NCAPD3: variants seen among roughly 807,000 people sequenced by gnomAD.
The protein encoded by NCAPD3 is non-SMC condensin II complex subunit D3.
Under a neutral mutation model 182.9 loss-of-function variants are expected in NCAPD3, and 105 were observed. The ratio of observed to expected loss-of-function variants is 0.57; its 90% CI spans 0.49 to 0.68. The LOEUF is 0.68. NCAPD3 is among the 30% of genes least tolerant of loss of function. The pLI, the probability that NCAPD3 is intolerant of heterozygous loss-of-function variation, is 0.00. For missense variants in NCAPD3, 1,944 were observed against 1,837.0 expected (o/e 1.06, Z -1.07); for synonymous variants, 815 against 679.9 (o/e 1.20, Z -3.09).
At position 134,176,295 on chromosome 11, in the gene NCAPD3, G is replaced by T; in HGVS notation, c.3101+12C>A. The T allele has an allele frequency of 6.2e-7, 1 of 1,611,038 alleles. No individual in the cohort carries two copies. ...AAACTGTTGAGTCGTCTGACGTGAG[G>T]AAAAGATTTACCTGGCAATGTCTGG... On this transcript the variant is annotated intron_variant, in intron 24 of 34. Coordinates refer to ENST00000534548, the MANE Select transcript of NCAPD3 (RefSeq NM_015261.3).
chr11:134,156,161 C>T (rs1169583173), intron 32 of NCAPD3, among the ~76,000 whole-genome samples: 2 of 152,206 alleles, frequency 1.3e-5, no homozygotes, highest in Non-Finnish European at 2.9e-5. Flanking sequence ...GGCCTGGGCT[C>T]AGCGCCCAGC....
rs1266319092 is a variant in NCAPD3 at position 134,185,016 on chromosome 11, G to A, written c.2238-16C>T. 1 of 1,574,668 alleles carries A rather than the reference G, an allele frequency of 6.4e-7. No individual in the cohort carries two copies. The highest frequency in any genetic ancestry group is 2.2e-5 in the East Asian group (1 of 44,664). ...ATTCTGCTGACTAGAGAAAGGGCAG[G>A]AGGAATATGAAGGGAGAAGCAAGTT... On this transcript the variant is annotated splice_polypyrimidine_tract_variant and intron_variant, in intron 17 of 34. Transcript: ENST00000534548.
chr11:134,163,309 C>G (rs1384142963), intron 27 of NCAPD3, among the ~76,000 whole-genome samples: 1 of 152,184 alleles, frequency 6.6e-6, no homozygotes, highest in East Asian at 1.9e-4. Context: ...CTACAGACCA[C>G]TCACCATCTA....
chr11:134,167,002 G>T (rs978109488), intron 27 of NCAPD3, among the ~76,000 whole-genome samples: 1 of 118,414 alleles, frequency 8.4e-6, no homozygotes, highest in Non-Finnish European at 1.7e-5. Flanking sequence ...ATGAGCTTAG[G>T]GGAGCTGCAC....
At chr11:134,189,858 G>A (rs916490688) in intron 16 of NCAPD3, among the ~76,000 whole-genome samples, 4 of 151,704 alleles carry the variant, frequency 2.6e-5, no homozygotes, top group African/African-American at 4.8e-5. Flanking sequence ...TATTTGATAC[G>A]GCCTTCTTTT....
intron 14 of NCAPD3, among the ~76,000 whole-genome samples, chr11:134,194,457 T>TA (rs1259614958): frequency 6.6e-6 from 1 of 152,152 alleles, no homozygotes; most frequent in African/African-American, 2.4e-5. Flanking sequence ...TTGTGGTTCT[T>TA]AAAAAAATCA....
intron 30 of NCAPD3, 65 bp from the exon 31 acceptor site, chr11:134,158,132 C>A: frequency 1.3e-6 from 2 of 1,575,822 alleles, no homozygotes; most frequent in Admixed American, 1.7e-5. Context: ...GACAGTGCTG[C>A]ACTGTGTCCC....
intron 16 of NCAPD3, among the ~76,000 whole-genome samples, chr11:134,187,647 G>A (rs1260035630): frequency 6.6e-6 from 1 of 150,572 alleles, no homozygotes; most frequent in Non-Finnish European, 1.5e-5. Context: ...CTACTTCTGG[G>A]AAGCCACCCT....
At chr11:134,212,646 C>G (rs191071832) in intron 3 of NCAPD3, among the ~76,000 whole-genome samples, 1 of 152,268 alleles carries the variant, frequency 6.6e-6, no homozygotes, top group East Asian at 1.9e-4. Context: ...CCGGCAGCAG[C>G]CTCCCAAAGT....
chr11:134,167,934 G>A (rs903053723), intron 27 of NCAPD3, 62 bp downstream of exon 27: 6 of 1,496,452 alleles, frequency 4.0e-6, no homozygotes, highest in African/African-American at 1.4e-5. Flanking sequence ...CTCGTGAGAT[G>A]AGCTTAGGGG....
At position 134,156,736 on chromosome 11, in the gene NCAPD3, C is replaced by A. The variant is rs1350131188; in HGVS notation, c.4252+282G>T. 2.2e-5 allele frequency: 6 copies of A among 278,604 alleles called. No individual in the cohort carries two copies. The East Asian group carries it at 3.4e-4, about 16-fold the overall frequency. 17.3% of individuals were successfully genotyped at this position (278,604 alleles called of 1,614,324 possible). On this transcript the variant is annotated intron_variant, in intron 32 of 34. Coordinates refer to ENST00000534548, the MANE Select transcript of NCAPD3 (RefSeq NM_015261.3). ...CCGCCTCCAGAAGGCACCACTGGGT[C>A]AGTCACCCAACCTACCTGTGCCTCA... is the stretch of plus-strand genomic sequence containing the variant.
At chr11:134,216,868 T>A in intron 3 of NCAPD3, 68 bp downstream of exon 3, 1 of 1,453,838 alleles carries the variant, frequency 6.9e-7, no homozygotes, top group Non-Finnish European at 9.3e-7. Context: ...AAACAAAGTA[T>A]AAGAATTGAA....
At chr11:134,176,918 G>A (rs1944182890) in intron 23 of NCAPD3, among the ~76,000 whole-genome samples, 1 of 152,158 alleles carries the variant, frequency 6.6e-6, no homozygotes, top group African/African-American at 2.4e-5. Flanking sequence ...AAGAATAACA[G>A]AATTCAAACT....
At chr11:134,162,646 A>G (rs625815) in intron 27 of NCAPD3, among the ~76,000 whole-genome samples, 68,500 of 152,128 alleles carry the variant, frequency 0.45, 18,135 homozygotes, top group African/African-American at 0.75. Context: ...CCTGAAACAG[A>G]AGGACAACAA....
chr11:134,202,881 G>A lies in NCAPD3; in HGVS notation c.1550C>T (p.Ser517Phe), dbSNP rs756739528. ...CTCCCCTGAGGGTTCGGAACGGTTA[G>A]ATGTCTGCCTTTGGTAGGAAAAAGC... ...SSAFSYQRQT[S>F]NRSEPSGEIN... is the part of the protein sequence containing the mutation. Residue 517 changes from serine (S) to phenylalanine (F), a missense_variant, in exon 13 of 35, where the codon TCT becomes TTT. Physicochemically the swap from Ser to Phe is radical, Grantham distance 155 (BLOSUM62 -2). Around this residue, in one of 3 missense-constraint regions of NCAPD3, gnomAD observed 1,803 missense variants for 1,674.6 expected, o/e 1.08. Coordinates refer to ENST00000534548, the MANE Select transcript of NCAPD3 (RefSeq NM_015261.3). 1.2e-6 allele frequency: 2 copies of A among 1,605,206 alleles called. No individual in the cohort carries two copies. The highest frequency in any genetic ancestry group is 4.5e-5 in the East Asian group (2 of 44,842).
intron 3 of NCAPD3, among the ~76,000 whole-genome samples, chr11:134,212,579 G>C (rs1402022849): frequency 6.6e-6 from 1 of 152,040 alleles, no homozygotes; most frequent in Non-Finnish European, 1.5e-5. Context: ...TTTTGGTAGA[G>C]ATGGGTTTCA....
At chr11:134,171,758 C>T (rs1944011312) in intron 24 of NCAPD3, among the ~76,000 whole-genome samples, 1 of 152,178 alleles carries the variant, frequency 6.6e-6, no homozygotes. Flanking sequence ...AGGCCCTACC[C>T]TCCACAGCCA....
chr11:134,223,349 G>C lies in NCAPD3; in HGVS notation c.64+514C>G. The C allele has an allele frequency of 1.2e-5, 8 of 691,390 alleles. No individual in the cohort carries two copies. The South Asian group carries it at 1.2e-4, about 10-fold the overall frequency. 42.8% of individuals were successfully genotyped at this position (691,390 alleles called of 1,614,324 possible). On this transcript the variant is annotated intron_variant, in intron 1 of 34. Coordinates refer to ENST00000534548, the MANE Select transcript of NCAPD3 (RefSeq NM_015261.3). The stretch of plus-strand genomic sequence containing the variant: ...CCTCAGAGGCAGGACAGTGGTAGTG[G>C]GCATGAAAGGGGAAGCAGAAATGCC...
intron 13 of NCAPD3, among the ~76,000 whole-genome samples, chr11:134,195,030 T>C (rs1591849138): frequency 6.6e-6 from 1 of 152,248 alleles, no homozygotes; most frequent in East Asian, 1.9e-4. Context: ...AATAGGAGTA[T>C]CTAACCCATA....
Sources: allele counts gnomAD v4.1 joint callset (sites outside exome capture counted in the v4.1 genomes callset), GRCh38; gene constraint gnomAD v4.1.1; regional missense constraint gnomAD v4.1.1; transcripts MANE v1.5; gene names NCBI Gene and HGNC (gene_info 2026-07-23, HGNC 2026-07-21).